The following CXCL13 variants were observed in gnomAD, a reference collection of about 807,000 sequenced individuals.
The protein encoded by CXCL13 is C-X-C motif chemokine ligand 13, also known as C-X-C motif chemokine 13.
A neutral mutation model predicts 12.2 loss-of-function variants in CXCL13; 7 were observed. The observed-to-expected ratio is 0.57, with a 90% confidence interval of 0.33 to 1.07. The LOEUF (loss-of-function observed/expected upper bound fraction) is 1.07, where lower values mean the gene tolerates loss of function less well. Ranked by LOEUF, CXCL13 falls within the 50% of genes least tolerant of loss-of-function variation. The probability of loss-of-function intolerance (pLI) is 0.04; values close to 1 mark genes in which losing one functional copy is unlikely to be tolerated. For synonymous variants in CXCL13, 47 were observed against 42.4 expected (o/e 1.11, Z -0.42); for missense variants, 113 against 127.4 (o/e 0.89, Z 0.55).
chr4:77,543,854 C>T (rs574096038), intron 1 of CXCL13, among the ~76,000 whole-genome samples: 2 of 152,176 alleles, frequency 1.3e-5, no homozygotes, highest in East Asian at 1.9e-4. Flanking sequence ...CCCACTAACT[C>T]GTCATTTACA....
At chr4:77,566,778 A>C (rs1333866319) in intron 1 of CXCL13, among the ~76,000 whole-genome samples, 1 of 152,218 alleles carries the variant, frequency 6.6e-6, no homozygotes, top group Non-Finnish European at 1.5e-5. Flanking sequence ...CTTATTAACC[A>C]ATCACTACAA....
At chr4:77,578,447 T>C (rs1458890830) in intron 1 of CXCL13, among the ~76,000 whole-genome samples, 1 of 152,178 alleles carries the variant, frequency 6.6e-6, no homozygotes, top group Non-Finnish European at 1.5e-5. Flanking sequence ...TGTACTTCTT[T>C]AGGCAGGGAA....
upstream of CXCL13, among the ~76,000 whole-genome samples, chr4:77,603,906 T>C (rs1726945924): frequency 6.6e-6 from 1 of 152,190 alleles, no homozygotes; most frequent in Non-Finnish European, 1.5e-5. Flanking sequence ...TTGGAATTCC[T>C]ATTATCCTCA....
At chr4:77,535,224 G>C (rs1294731406) in intron 1 of CXCL13, among the ~76,000 whole-genome samples, 1 of 152,198 alleles carries the variant, frequency 6.6e-6, no homozygotes, top group Non-Finnish European at 1.5e-5. Flanking sequence ...ACTCTGTTTT[G>C]CATTCAATAT....
intron 1 of CXCL13, among the ~76,000 whole-genome samples, chr4:77,573,891 G>A (rs2109820616): frequency 6.6e-6 from 1 of 152,000 alleles, no homozygotes; most frequent in South Asian, 2.1e-4. Flanking sequence ...AGGGACATTA[G>A]GGGTGATTCT....
At chr4:77,519,209 GA>G (rs1236830349) in intron 1 of CXCL13, among the ~76,000 whole-genome samples, 1 of 152,200 alleles carries the variant, frequency 6.6e-6, no homozygotes, top group African/African-American at 2.4e-5. Context: ...CCTACTGGGG[GA>G]TGCCTCCCAG....
At chr4:77,591,908 T>C (rs1337710319) in intron 1 of CXCL13, among the ~76,000 whole-genome samples, 3 of 152,254 alleles carry the variant, frequency 2.0e-5, no homozygotes, top group Admixed American at 2.0e-4. Flanking sequence ...ACTTCTTTAA[T>C]TGATCACTTA....
chr4:77,590,661 A>G lies in CXCL13; in HGVS notation c.-42-15163A>G, dbSNP rs190964810. Among the ~76,000 whole-genome samples the G allele has an allele frequency of 3.7e-4, 56 of 152,346 alleles. No homozygotes were observed. The East Asian group carries it at 4.6e-3, about 13-fold the overall frequency. On this transcript the variant is annotated intron_variant, in intron 1 of 4. Coordinates refer to the CXCL13 transcript ENST00000286758. ...ATGTCCATTGGCATGACAGTAGCCC[A>G]TGAATTATTCGCTCTCCTGTGGAGA...
At chr4:77,593,541 G>A (rs142142368) in intron 1 of CXCL13, among the ~76,000 whole-genome samples, 112 of 152,292 alleles carry the variant, frequency 7.4e-4, no homozygotes, top group East Asian at 4.2e-3. Flanking sequence ...ATGCATAAGC[G>A]GAGCAATGAT....
At chr4:77,544,228 G>C (rs913777859) in intron 1 of CXCL13, among the ~76,000 whole-genome samples, 1 of 152,176 alleles carries the variant, frequency 6.6e-6, no homozygotes, top group Non-Finnish European at 1.5e-5. Flanking sequence ...TGTCTTTATA[G>C]TAGCATGGTT....
intron 2 of CXCL13, 43 bp from the exon 3 acceptor site, chr4:77,610,571 C>G (rs754305206): frequency 7.1e-7 from 1 of 1,418,132 alleles, no homozygotes; most frequent in Non-Finnish European, 1.0e-6. Flanking sequence ...ATAGGATTGA[C>G]TAAAATGTAA....
At chr4:77,520,325 T>C (rs1200935579) in intron 1 of CXCL13, among the ~76,000 whole-genome samples, 2 of 152,214 alleles carry the variant, frequency 1.3e-5, no homozygotes, top group African/African-American at 4.8e-5. Flanking sequence ...ATTTTCAAGA[T>C]ATTGATTCTT....
chr4:77,547,035 T>C (rs1237697149), intron 1 of CXCL13, among the ~76,000 whole-genome samples: 5 of 152,216 alleles, frequency 3.3e-5, no homozygotes, highest in Admixed American at 2.0e-4. Context: ...TCAGTTTCCA[T>C]GTAGTTGTGC....
intron 1 of CXCL13, among the ~76,000 whole-genome samples, chr4:77,563,049 T>A (rs924898159): frequency 3.3e-5 from 5 of 152,130 alleles, no homozygotes; most frequent in African/African-American, 1.2e-4. Context: ...GGGTCCGCAC[T>A]GCCTTTATGA....
chr4:77,564,786 G>A (rs941069275), intron 1 of CXCL13, among the ~76,000 whole-genome samples: 1 of 152,158 alleles, frequency 6.6e-6, no homozygotes, highest in African/African-American at 2.4e-5. Flanking sequence ...CACTCTAAAA[G>A]GCATGATGGA....
At chr4:77,521,338 T>A (rs1724592709) in intron 1 of CXCL13, among the ~76,000 whole-genome samples, 1 of 152,224 alleles carries the variant, frequency 6.6e-6, no homozygotes, top group African/African-American at 2.4e-5. Context: ...TGTGAATCCA[T>A]CTGGTCCTGG....
At chr4:77,522,380 C>T (rs1724630450) in intron 1 of CXCL13, among the ~76,000 whole-genome samples, 1 of 151,848 alleles carries the variant, frequency 6.6e-6, no homozygotes, top group African/African-American at 2.4e-5. Context: ...GTATTGGGTG[C>T]ATATATATAT....
At chr4:77,552,174 C>T (rs1725547893) in intron 1 of CXCL13, among the ~76,000 whole-genome samples, 2 of 152,150 alleles carry the variant, frequency 1.3e-5, no homozygotes, top group South Asian at 4.1e-4. Flanking sequence ...TGCCAGAATT[C>T]TTGTGTCAGT....
At chr4:77,589,275 T>A (rs1726551739) in intron 1 of CXCL13, among the ~76,000 whole-genome samples, 1 of 152,206 alleles carries the variant, frequency 6.6e-6, no homozygotes, top group Non-Finnish European at 1.5e-5. Flanking sequence ...CCATCCTGCT[T>A]CATCCCATCT....
Sources: gnomAD v4.1 joint callset for allele counts (sites outside exome capture counted in the v4.1 genomes callset) on GRCh38, gnomAD v4.1.1 for gene constraint, MANE v1.5 for transcripts, NCBI Gene and HGNC (gene_info 2026-07-23, HGNC 2026-07-21) for gene names.